The following GRID1 variants were observed in gnomAD, a reference collection of about 807,000 sequenced individuals.
GRID1 encodes glutamate ionotropic receptor delta type subunit 1, also known as glutamate receptor ionotropic, delta-1.
GRID1 carries 28 observed loss-of-function variants against 98.0 expected under a neutral mutation model. That is an observed-to-expected ratio of 0.29 (90% CI 0.21 to 0.39). GRID1 has a LOEUF of 0.39. Ranked by LOEUF, GRID1 falls within the 10% of genes least tolerant of loss-of-function variation. GRID1 has a pLI of 1.00. For synonymous variants in GRID1, 553 were observed against 538.5 expected, an observed-to-expected ratio of 1.03 and a Z score of -0.37; for missense variants, 1,111 against 1,340.5, an observed-to-expected ratio of 0.83 and a Z score of 2.67.
At position 86,317,086 on chromosome 10, in the gene GRID1, G is replaced by A. The variant is rs149190487; in HGVS notation, c.235+46855C>T. Among the ~76,000 whole-genome samples the A allele has an allele frequency of 3.5e-3, 530 of 152,284 alleles. 2 individuals are homozygous for A. Among genetic ancestry groups the A allele is most frequent in the African/African-American group, 0.012 (509 of 41,564 alleles). Reference sequence around the variant, plus strand: ...AACACACATCTGAATCCCCTCAGAAGAGAGCTGCCTAGCTCCCCACCCCTT... The same window carrying A: ...AACACACATCTGAATCCCCTCAGAAAAGAGCTGCCTAGCTCCCCACCCCTT... On this transcript the variant is annotated intron_variant, in intron 2 of 15. Coordinates refer to ENST00000327946, the MANE Select transcript of GRID1 (RefSeq NM_017551.3).
intron 2 of GRID1, among the ~76,000 whole-genome samples, chr10:86,302,051 G>A (rs184794115): frequency 2.4e-4 from 36 of 152,220 alleles, no homozygotes; most frequent in Middle Eastern, 3.4e-3. Flanking sequence ...CTCCCAGCCC[G>A]CCACCTACTT....
At chr10:86,087,289 T>C (rs1844074084) in intron 4 of GRID1, among the ~76,000 whole-genome samples, 1 of 151,994 alleles carries the variant, frequency 6.6e-6, no homozygotes, top group Non-Finnish European at 1.5e-5. Flanking sequence ...CTGTGTGTAA[T>C]ATGTTAGTAT....
At chr10:85,705,367 A>T (rs1329282126) in intron 12 of GRID1, among the ~76,000 whole-genome samples, 1 of 152,230 alleles carries the variant, frequency 6.6e-6, no homozygotes, top group African/African-American at 2.4e-5. Flanking sequence ...GAAGAAATGG[A>T]TAAATTCCTC....
At chr10:86,276,260 T>C (rs1254123754) in intron 2 of GRID1, among the ~76,000 whole-genome samples, 1 of 152,218 alleles carries the variant, frequency 6.6e-6, no homozygotes, top group Non-Finnish European at 1.5e-5. Context: ...ATCTTCTCCC[T>C]ATGTCTCTTC....
chr10:85,887,051 A>G (rs1457932547), intron 5 of GRID1, among the ~76,000 whole-genome samples: 1 of 152,240 alleles, frequency 6.6e-6, no homozygotes, highest in African/African-American at 2.4e-5. Context: ...ATCTAAGTTG[A>G]TGACAGTAGA....
chr10:86,175,380 G>A (rs1284612260), intron 3 of GRID1, among the ~76,000 whole-genome samples: 1 of 149,522 alleles, frequency 6.7e-6, no homozygotes, highest in African/African-American at 2.4e-5. Context: ...GGTGGCCTAA[G>A]TTACCCTCTG....
chr10:85,756,004 T>C (rs1011328337), intron 8 of GRID1, among the ~76,000 whole-genome samples: 2 of 152,062 alleles, frequency 1.3e-5, no homozygotes, highest in African/African-American at 4.8e-5. Context: ...TCAGCACCCA[T>C]TCTCCTTCAA....
chr10:85,784,687 C>A (rs1285732074), intron 8 of GRID1, among the ~76,000 whole-genome samples: 1 of 152,166 alleles, frequency 6.6e-6, no homozygotes, highest in African/African-American at 2.4e-5. Flanking sequence ...CAGCAAGGAG[C>A]CCATCTTAAG....
chr10:85,665,695 C>T (rs1841011842), intron 12 of GRID1, among the ~76,000 whole-genome samples: 3 of 152,174 alleles, frequency 2.0e-5, no homozygotes, highest in Admixed American at 2.0e-4. Flanking sequence ...AGATTAATAA[C>T]AGAGCTTAAG....
chr10:86,120,251 T>C (rs1844646002), intron 4 of GRID1, among the ~76,000 whole-genome samples: 1 of 152,190 alleles, frequency 6.6e-6, no homozygotes. Flanking sequence ...CTAGTGCCCA[T>C]GCTCTGACCA....
chr10:85,958,591 CTAAG>C (rs1842224177), intron 4 of GRID1, among the ~76,000 whole-genome samples: 1 of 152,120 alleles, frequency 6.6e-6, no homozygotes, highest in African/African-American at 2.4e-5. Flanking sequence ...GAATCAGTAA[CTAAG>C]TAAGGTAGAT....
At chr10:85,608,712 TGGCAATGTGGAGCATAC>T (rs1232409828) in intron 15 of GRID1, among the ~76,000 whole-genome samples, 1 of 152,144 alleles carries the variant, frequency 6.6e-6, no homozygotes, top group Non-Finnish European at 1.5e-5. Flanking sequence ...AAACCATTAC[TGGCAATGTGGAGCATAC>T]CCAGCAAGGG....
chr10:85,904,828 A>C (rs1841437833), intron 5 of GRID1, among the ~76,000 whole-genome samples: 1 of 152,162 alleles, frequency 6.6e-6, no homozygotes, highest in Non-Finnish European at 1.5e-5. Flanking sequence ...AGAAAAAATA[A>C]GAGAAAAAGA....
intron 5 of GRID1, among the ~76,000 whole-genome samples, chr10:85,879,828 C>A (rs1282077667): frequency 2.6e-5 from 4 of 152,024 alleles, no homozygotes; most frequent in Non-Finnish European, 5.9e-5. Flanking sequence ...TTAATGAATC[C>A]AGGAGCTGGT....
chr10:86,286,024 T>C (rs536036685), intron 2 of GRID1, among the ~76,000 whole-genome samples: 3 of 152,234 alleles, frequency 2.0e-5, no homozygotes, highest in South Asian at 2.1e-4. Flanking sequence ...TAGATACAGA[T>C]ATAGATTTAA....
chr10:85,939,831 C>T (rs960786542), intron 4 of GRID1, among the ~76,000 whole-genome samples: 1 of 151,934 alleles, frequency 6.6e-6, no homozygotes, highest in Admixed American at 6.6e-5. Context: ...TTTGGGAGGC[C>T]AAAGTGGGAG....
Position 85,602,279 on chromosome 10 carries a change from G to A in GRID1, c.3024C>T (p.Ser1008=). 6.6e-7 allele frequency: 1 copy of A among 1,510,822 alleles called. No homozygotes were observed. Among genetic ancestry groups the A allele is most frequent in the Non-Finnish European group, 8.8e-7 (1 of 1,130,322 alleles). The allele number at this position is 1,510,822 out of a possible 1,614,324, so 93.6% of individuals were successfully genotyped here. Residue 1008 remains serine (S), a synonymous_variant, in exon 16 of 16, where the codon TCC becomes TCT. Transcript: ENST00000327946. ...PEALDTSHGT[S]I The stretch of plus-strand genomic sequence containing the variant: ...AGGAGGGCAGGCGGCGCAGTCAGAT[G>A]GAGGTCCCGTGGGAGGTGTCCAGAG...
chr10:85,761,784 A>G (rs1424742602), intron 8 of GRID1, among the ~76,000 whole-genome samples: 1 of 152,144 alleles, frequency 6.6e-6, no homozygotes, highest in Non-Finnish European at 1.5e-5. Context: ...TCTGTCTGCC[A>G]GACAGTCCCT....
intron 6 of GRID1, among the ~76,000 whole-genome samples, chr10:85,866,393 G>A (rs1420817486): frequency 6.7e-6 from 1 of 150,006 alleles, no homozygotes; most frequent in Non-Finnish European, 1.5e-5. Flanking sequence ...ATGATAATAG[G>A]TTAAGTATCC....
Sources: gnomAD v4.1 joint callset for allele counts (sites outside exome capture counted in the v4.1 genomes callset) on GRCh38, gnomAD v4.1.1 for gene constraint, MANE v1.5 for transcripts, NCBI Gene and HGNC (gene_info 2026-07-23, HGNC 2026-07-21) for gene names.